The following KEL variants were observed in gnomAD, a reference collection of about 807,000 sequenced individuals.
The protein encoded by KEL is Kell metallo-endopeptidase (Kell blood group).
KEL carries 96 observed loss-of-function variants against 99.5 expected under a neutral mutation model. The observed-to-expected ratio is 0.97, with a 90% CI of 0.82 to 1.14. KEL has a LOEUF of 1.14. KEL is among the 50% of genes most tolerant of loss of function. The pLI is 0.00. For missense variants in KEL, 926 were observed against 924.2 expected (o/e 1.00, Z -0.03); for synonymous variants, 355 against 354.8 (o/e 1.00, Z -0.01).
intron 10 of KEL, among the ~76,000 whole-genome samples, chr7:142,948,900 AC>A (rs1796601793): frequency 1.1e-5 from 1 of 95,088 alleles, no homozygotes; most frequent in African/African-American, 9.2e-5. Context: ...AGCTTCACAG[AC>A]ACACACACAC....
At chr7:142,949,468 T>C (rs1277669452) in intron 10 of KEL, among the ~76,000 whole-genome samples, 1 of 152,244 alleles carries the variant, frequency 6.6e-6, no homozygotes, top group East Asian at 1.9e-4. Context: ...TTTCCTGTTT[T>C]GCTTTTCTTC....
intron 10 of KEL, among the ~76,000 whole-genome samples, chr7:142,947,380 T>G (rs1796561636): frequency 6.6e-6 from 1 of 151,618 alleles, no homozygotes; most frequent in African/African-American, 2.4e-5. Flanking sequence ...ATGGAGGGGG[T>G]TTATGTACAT....
chr7:142,954,059 G>A, intron 8 of KEL, 103 bp from the exon 9 acceptor site: 3 of 1,415,234 alleles, frequency 2.1e-6, no homozygotes, highest in Non-Finnish European at 3.0e-6. Flanking sequence ...GCTAACTGGG[G>A]GAGGGGATGG....
intron 13 of KEL, 114 bp downstream of exon 13, chr7:142,944,209 A>C: frequency 1.1e-6 from 1 of 871,128 alleles, no homozygotes; most frequent in Non-Finnish European, 2.0e-6. Flanking sequence ...CACCAGAGTA[A>C]GGACAGAGCT....
intron 6 of KEL, among the ~76,000 whole-genome samples, chr7:142,955,445 C>CT (rs1223060439): frequency 1.3e-5 from 2 of 151,976 alleles, no homozygotes; most frequent in Non-Finnish European, 2.9e-5. Flanking sequence ...AAAGCATAAT[C>CT]TTTTTTCAAA....
chr7:142,943,509 T>C lies in KEL; in HGVS notation c.1680A>G (p.Pro560=). ...ACCTGGGATAGCCAGGGTGGAAGAATGGGGGTTGGAGGAGTCCAGCTGGAA... is the reference window on the plus strand; with the variant it reads ...ACCTGGGATAGCCAGGGTGGAAGAACGGGGGTTGGAGGAGTCCAGCTGGAA... ...VVFPAGLLQP[P]FFHPGYPRAV... Residue 560 remains proline, a synonymous_variant, in exon 15 of 19, where the codon CCA becomes CCG. Coordinates refer to ENST00000355265, the MANE Select transcript of KEL (RefSeq NM_000420.3). 1 of 1,613,964 alleles carries C rather than the reference T, an allele frequency of 6.2e-7. No individual in the cohort carries two copies. The highest frequency in any genetic ancestry group is 8.5e-7 in the Non-Finnish European group (1 of 1,179,894).
chr7:142,945,698 G>A (rs764932682), intron 11 of KEL, among the ~76,000 whole-genome samples: 7 of 151,648 alleles, frequency 4.6e-5, no homozygotes, highest in Non-Finnish European at 8.8e-5. Context: ...GCGTGATCTC[G>A]GCTCACTGCA....
At chr7:142,960,161 C>T (rs1283235830) in intron 4 of KEL, among the ~76,000 whole-genome samples, 1 of 152,208 alleles carries the variant, frequency 6.6e-6, no homozygotes, top group Non-Finnish European at 1.5e-5. Flanking sequence ...CTCAGCTCTC[C>T]TCTTCTTCCA....
chr7:142,960,039 C>T (rs1796916376), intron 4 of KEL, among the ~76,000 whole-genome samples: 1 of 152,184 alleles, frequency 6.6e-6, no homozygotes, highest in African/African-American at 2.4e-5. Flanking sequence ...TCCTGGGACG[C>T]ACTTCCAACC....
chr7:142,960,579 C>A (rs1240299850), intron 4 of KEL, among the ~76,000 whole-genome samples: 1 of 152,002 alleles, frequency 6.6e-6, no homozygotes, highest in African/African-American at 2.4e-5. Context: ...AAAGATGGAG[C>A]TTGCTAAAAG....
chr7:142,953,252 C>G, intron 9 of KEL: 1 of 642,906 alleles, frequency 1.6e-6, no homozygotes, highest in Non-Finnish European at 1.9e-6. Context: ...AACCCCAACA[C>G]CCCCTTGATT....
At position 142,943,045 on chromosome 7, in the gene KEL, C is replaced by T. The variant is rs2116639200; in HGVS notation, c.1772-1G>A. On this transcript the variant is annotated splice_acceptor_variant, in intron 16 of 18. Coordinates refer to ENST00000355265, the MANE Select transcript of KEL (RefSeq NM_000420.3). LOFTEE classifies it high-confidence loss of function. ...CAGGCGAGGCAGCCCCCAGGCAGTACTGTTGAAAATGGGACAAGAGAACAT... is the reference window on the plus strand; with the variant it reads ...CAGGCGAGGCAGCCCCCAGGCAGTATTGTTGAAAATGGGACAAGAGAACAT... The T allele has an allele frequency of 1.2e-6, 2 of 1,613,958 alleles. No individual in the cohort carries two copies. The highest frequency in any genetic ancestry group is 2.2e-5 in the East Asian group (1 of 44,884).
At chr7:142,960,207 G>A (rs182309427) in intron 4 of KEL, among the ~76,000 whole-genome samples, 5 of 152,152 alleles carry the variant, frequency 3.3e-5, no homozygotes, top group African/African-American at 1.2e-4. Flanking sequence ...TTTCTCTTAT[G>A]CACAGTGATG....
chr7:142,961,577 T>C (rs1324885799), intron 2 of KEL, 76 bp from the exon 3 acceptor site: 1 of 1,497,758 alleles, frequency 6.7e-7, no homozygotes, highest in Non-Finnish European at 9.2e-7. Context: ...GGAGAGAGAA[T>C]GAATCTGTTG....
chr7:142,942,519 T>C lies in KEL; in HGVS notation c.1952A>G (p.Lys651Arg), dbSNP rs751376270. The C allele has an allele frequency of 9.3e-6, 15 of 1,607,294 alleles. No homozygotes were observed. The South Asian group carries it at 1.6e-4, about 17-fold the overall frequency. ...CTCCCCATGGTGCCGTAACAGCCTC[T>C]TGCTGTATGCCTGGGTAGGGGTGGG... is the stretch of plus-strand genomic sequence containing the variant. ...GLAIALQAYS[K>R]RLLRHHGETV... is the part of the protein sequence containing the mutation. Residue 651 changes from lysine to arginine, a missense_variant, in exon 18 of 19, where the codon AAG becomes AGG. Transcript: ENST00000355265.
intron 10 of KEL, 24 bp from the exon 11 acceptor site, chr7:142,946,341 G>A (rs575162154): frequency 1.9e-6 from 3 of 1,557,216 alleles, no homozygotes; most frequent in South Asian, 2.3e-5. Context: ...GCTGGAATGA[G>A]TGGCTCCTGT....
rs1176107861 is a variant in KEL, at chr7:142,942,464, G to A, written c.2007C>T (p.Pro669=). ...CATAGCTTCGAAAGAAGATCTGCTG[G>A]GGGCTGAGGTCCAGGCTGGGCAGGA... ...ETVLPSLDLS[P]QQIFFRSYAQ... is the part of the protein sequence containing the mutation. The change falls in exon 18 of 19, where the codon CCC becomes CCT. Residue 669 remains proline, a synonymous_variant. Coordinates refer to ENST00000355265, the MANE Select transcript of KEL (RefSeq NM_000420.3). 5 of 1,607,140 alleles carry A rather than the reference G, an allele frequency of 3.1e-6. No individual in the cohort carries two copies. The highest frequency in any genetic ancestry group is 1.7e-5 in the Admixed American group (1 of 59,186).
intron 9 of KEL, 54 bp downstream of exon 9, chr7:142,953,754 G>A (rs980501883): frequency 1.9e-6 from 3 of 1,602,262 alleles, no homozygotes; most frequent in Admixed American, 3.3e-5. Context: ...AAGATCTACG[G>A]TGCTCAGGCT....
Position 142,944,879 on chromosome 7 carries a change from C to G in KEL, c.1315-138G>C, listed in dbSNP as rs1796481545. The G allele has an allele frequency of 8.3e-6, 6 of 723,120 alleles. No individual in the cohort carries two copies. In the Admixed American group the frequency reaches 1.2e-4, roughly 15 times the overall value. The allele number at this position is 723,120 out of a possible 1,614,324, so 44.8% of individuals were successfully genotyped here. A position where few individuals can be genotyped will look rare whatever the true frequency, so the allele number is the denominator to read the frequency against. On this transcript the variant is annotated intron_variant, in intron 11 of 18. Coordinates refer to ENST00000355265, the MANE Select transcript of KEL (RefSeq NM_000420.3). ...GCTGGAGCTGCTGCTAGAGGAGCAGCTCAACTAAAGCAACTAAAGGATCTG... is the reference window on the plus strand; with the variant it reads ...GCTGGAGCTGCTGCTAGAGGAGCAGGTCAACTAAAGCAACTAAAGGATCTG...
Sources: gnomAD v4.1 joint callset for allele counts (sites outside exome capture counted in the v4.1 genomes callset) on GRCh38, gnomAD v4.1.1 for gene constraint, MANE v1.5 for transcripts, NCBI Gene and HGNC (gene_info 2026-07-23, HGNC 2026-07-21) for gene names.